The following LRRC37A2 variants were observed in gnomAD, a reference collection of about 807,000 sequenced individuals.
The protein encoded by LRRC37A2 is leucine rich repeat containing 37 member A2.
In LRRC37A2, 9 loss-of-function variants were observed where a neutral mutation model predicts 68.8. The observed-to-expected ratio is 0.13, with a 90% confidence interval of 0.08 to 0.23. LRRC37A2 has a LOEUF of 0.23. LRRC37A2 is among the 10% of genes least tolerant of loss of function. The probability of loss-of-function intolerance (pLI) is 1.00; values close to 1 mark genes in which losing one functional copy is unlikely to be tolerated. For synonymous variants in LRRC37A2, 63 were observed against 367.6 expected, an observed-to-expected ratio of 0.17 and a Z score of 9.48; for missense variants, 168 against 950.4, an observed-to-expected ratio of 0.18 and a Z score of 10.82.
the LRRC37A2 span, among the ~76,000 whole-genome samples, chr17:46,927,741 C>T: frequency 3.9e-5 from 6 of 152,242 alleles, no homozygotes; most frequent in East Asian, 5.8e-4. Context: ...CCTGCACTGC[C>T]GCCATATTGT....
At chr17:46,784,270 G>C in the LRRC37A2 span, among the ~76,000 whole-genome samples, 1 of 152,214 alleles carries the variant, frequency 6.6e-6, no homozygotes, top group East Asian at 1.9e-4. Flanking sequence ...TGTCCACCAA[G>C]ATGGGAAGGT....
At chr17:46,862,845 G>A in the LRRC37A2 span, among the ~76,000 whole-genome samples, 2 of 152,162 alleles carry the variant, frequency 1.3e-5, no homozygotes, top group East Asian at 1.9e-4. Flanking sequence ...CGGCCTCCCA[G>A]AGTGCTGGGA....
the LRRC37A2 span, among the ~76,000 whole-genome samples, chr17:46,708,470 A>G: frequency 6.7e-6 from 1 of 149,044 alleles, no homozygotes; most frequent in African/African-American, 2.5e-5. Context: ...TCATATGCTT[A>G]TCAACCATTT....
chr17:46,520,704 C>T (rs1191840902), intron 4 of LRRC37A2, among the ~76,000 whole-genome samples: 2 of 31,208 alleles, frequency 6.4e-5, no homozygotes, highest in African/African-American at 2.6e-4. Flanking sequence ...AAGAAATATG[C>T]GAGAGATCAT....
At chr17:46,936,508 C>T in the LRRC37A2 span, 2 of 985,382 alleles carry the variant, frequency 2.0e-6, no homozygotes, top group African/African-American at 1.7e-5. Flanking sequence ...TCTCTTGATT[C>T]CCTCCACCTG....
chr17:46,872,886 T>G, the LRRC37A2 span: 1 of 1,258,658 alleles, frequency 7.9e-7, no homozygotes, highest in Non-Finnish European at 1.1e-6. Flanking sequence ...CAGGCCACAC[T>G]GCCCTTCCTG....
At chr17:46,926,147 T>C in the LRRC37A2 span, among the ~76,000 whole-genome samples, 2 of 152,180 alleles carry the variant, frequency 1.3e-5, no homozygotes, top group East Asian at 1.9e-4. Flanking sequence ...CAGCGGAGCT[T>C]AAGAACTATT....
the LRRC37A2 span, chr17:47,042,143 A>G: frequency 7.1e-6 from 1 of 141,842 alleles, no homozygotes; most frequent in Admixed American, 7.3e-5. Flanking sequence ...CTCATCGACC[A>G]CAGACTAATT....
chr17:46,818,715 G>T, the LRRC37A2 span: 7 of 1,026,662 alleles, frequency 6.8e-6, no homozygotes, highest in Non-Finnish European at 1.0e-5. Flanking sequence ...TGTCAGAAGC[G>T]CACCTCCACC....
At chr17:46,768,631 G>A in the LRRC37A2 span, 3 of 1,614,044 alleles carry the variant, frequency 1.9e-6, no homozygotes, top group Non-Finnish European at 1.7e-6. The surrounding 1 kb of genome is among the most constrained non-coding windows in gnomAD (Gnocchi z 5.0). Context: ...ACCCAGCCTC[G>A]GGACTCACGG....
the LRRC37A2 span, among the ~76,000 whole-genome samples, chr17:46,837,549 A>G: frequency 6.6e-6 from 1 of 152,168 alleles, no homozygotes; most frequent in Admixed American, 6.5e-5. Flanking sequence ...CAAATAAGGG[A>G]CTTGTGGCCC....
At chr17:46,859,228 G>T in the LRRC37A2 span, among the ~76,000 whole-genome samples, 1 of 151,990 alleles carries the variant, frequency 6.6e-6, no homozygotes, top group Non-Finnish European at 1.5e-5. Context: ...CACCTGCCTC[G>T]GCCTCCCAAA....
chr17:46,755,803 A>G, the LRRC37A2 span: 2 of 1,605,176 alleles, frequency 1.2e-6, no homozygotes, highest in Non-Finnish European at 1.7e-6. Flanking sequence ...CTTTTGCAGT[A>G]GCCCCCTTGA....
chr17:46,821,869 G>T, the LRRC37A2 span, among the ~76,000 whole-genome samples: 1 of 152,234 alleles, frequency 6.6e-6, no homozygotes, highest in African/African-American at 2.4e-5. Context: ...CCCTGCGGAG[G>T]CACCGTGTAG....
the LRRC37A2 span, among the ~76,000 whole-genome samples, chr17:46,859,420 T>A: frequency 6.6e-6 from 1 of 152,270 alleles, no homozygotes; most frequent in Non-Finnish European, 1.5e-5. Flanking sequence ...TTTTCTCCAC[T>A]GTCATCTTTG....
chr17:46,998,472 C>G, the LRRC37A2 span, among the ~76,000 whole-genome samples: 3 of 152,202 alleles, frequency 2.0e-5, no homozygotes, highest in African/African-American at 4.8e-5. Context: ...TGTATCAACA[C>G]CACCATGCGT....
chr17:46,799,098 C>A, the LRRC37A2 span, among the ~76,000 whole-genome samples: 4 of 151,856 alleles, frequency 2.6e-5, no homozygotes, highest in African/African-American at 4.8e-5. Flanking sequence ...TTAATTCACC[C>A]TTCCCTTCCT....
the LRRC37A2 span, among the ~76,000 whole-genome samples, chr17:46,759,710 C>T: frequency 6.6e-6 from 1 of 152,190 alleles, no homozygotes; most frequent in Non-Finnish European, 1.5e-5. Flanking sequence ...ATGTCGCCAT[C>T]ATGTTTCCTT....
At chr17:46,780,568 C>T in the LRRC37A2 span, among the ~76,000 whole-genome samples, 1 of 152,172 alleles carries the variant, frequency 6.6e-6, no homozygotes, top group Non-Finnish European at 1.5e-5. Context: ...GCGGGAGGAT[C>T]ACGAGGTCAG....
Sources: gnomAD v4.1 joint callset for allele counts (sites outside exome capture counted in the v4.1 genomes callset) on GRCh38, gnomAD v4.1.1 for gene constraint, Gnocchi (gnomAD v3.1) non-coding constraint, MANE v1.5 for transcripts, NCBI Gene and HGNC (gene_info 2026-07-23, HGNC 2026-07-21) for gene names.